The following MUC3A variants were observed in gnomAD, a reference collection of about 807,000 sequenced individuals.
MUC3A encodes the protein mucin 3A, cell surface associated.
MUC3A carries 109 observed loss-of-function variants against 109.0 expected under a neutral mutation model. The ratio of observed to expected loss-of-function variants is 1.00; its 90% CI spans 0.86 to 1.17. The LOEUF is 1.17. Ranked by LOEUF, MUC3A falls within the 50% of genes most tolerant of loss-of-function variation. MUC3A has a pLI of 0.00. For synonymous variants in MUC3A, 1,398 were observed against 981.4 expected (o/e 1.42, Z -7.93); for missense variants, 3,537 against 2,469.4 (o/e 1.43, Z -9.16).
In MUC3A at chr7:100,952,230, G is replaced by A. The variant is rs764956210; in HGVS notation, c.451G>A (p.Val151Met). 6 of 1,598,424 alleles carry A rather than the reference G, an allele frequency of 3.8e-6. No homozygotes were observed. The highest frequency in any genetic ancestry group is 5.1e-6 in the Non-Finnish European group (6 of 1,179,804). Residue 151 changes from valine (V) to methionine (M), a missense_variant, in exon 2 of 12, where the codon GTG (valine) becomes ATG (methionine). Val to Met is a conservative substitution (Grantham distance 21). Transcript: ENST00000379458. ...PTSICVTTTQ[V>M]AFTSSYTSTP... ...CTCCATCTGTGTGACCACGACGCAG[G>A]TGGCCTTCACCAGCTCTTACACCTC...
Position 100,958,038 on chromosome 7 carries a change from T to A in MUC3A, c.6259T>A (p.Ser2087Thr). The change falls in exon 2 of 12, where the codon TCA becomes ACA. Residue 2087 changes from serine to threonine, a missense_variant. Physicochemically the swap from Ser to Thr is moderately conservative, Grantham distance 58. Transcript: ENST00000379458. ...CTCAATCACCACCACCGAGACCCCC[T>A]CACACAGTACTCTCAGCTTCACTTC... Reference protein sequence around the residue: ...TTSITTTETPSHSTLSFTSSI... With the variant: ...TTSITTTETPTHSTLSFTSSI... 1.5e-6 allele frequency: 2 copies of A among 1,305,960 alleles called. No individual in the cohort carries two copies. The highest frequency in any genetic ancestry group is 1.4e-5 in the African/African-American group (1 of 69,070). 80.9% of individuals were successfully genotyped at this position (1,305,960 alleles called of 1,614,324 possible).
intron 1 of MUC3A, 101 bp from the exon 2 acceptor site, chr7:100,951,740 A>C: frequency 1.3e-6 from 2 of 1,523,900 alleles, no homozygotes; most frequent in South Asian, 2.5e-5. Flanking sequence ...GCCCTCTGTG[A>C]TGCTGCCTGG....
chr7:100,956,245 C>T lies in MUC3A; in HGVS notation c.4466C>T (p.Ser1489Leu). Residue 1489 changes from serine to leucine, a missense_variant, in exon 2 of 12, where the codon TCA becomes TTA. Physicochemically the swap from Ser to Leu is moderately radical, Grantham distance 145. Coordinates refer to ENST00000379458, the MANE Select transcript of MUC3A (RefSeq NM_005960.2). ...ITYPTTMTET[S>L]STATSLPPTS... ...TATCCCACCACTATGACAGAGACAT[C>T]ATCTACTGCCACCTCTCTTCCACCC... The T allele has an allele frequency of 2.0e-6, 1 of 489,160 alleles. No homozygotes were observed. Among genetic ancestry groups the T allele is most frequent in the Admixed American group, 3.6e-5 (1 of 27,472 alleles). 30.3% of individuals were successfully genotyped at this position (489,160 alleles called of 1,614,324 possible). A position where few individuals can be genotyped will look rare whatever the true frequency, so the allele number is the denominator to read the frequency against.
chr7:100,955,624 C>G lies in MUC3A; in HGVS notation c.3845C>G (p.Pro1282Arg). 1 of 391,586 alleles carries G rather than the reference C, an allele frequency of 2.6e-6. No individual in the cohort carries two copies. Among genetic ancestry groups the G allele is most frequent in the Non-Finnish European group, 4.3e-6 (1 of 233,124 alleles). 24.3% of individuals were successfully genotyped at this position (391,586 alleles called of 1,614,324 possible). A position where few individuals can be genotyped will look rare whatever the true frequency, so the allele number is the denominator to read the frequency against. ...TLTSSLLTTF[P>R]STYSFSSSMS... ...ACAAGTTCCCTCCTGACGACCTTCC[C>G]AAGTACATATTCATTTTCATCTTCC... is the stretch of plus-strand genomic sequence containing the variant. Residue 1282 changes from proline (P) to arginine (R), a missense_variant, in exon 2 of 12, where the codon CCA becomes CGA. Pro to Arg is a moderately radical substitution (Grantham distance 103). Coordinates refer to ENST00000379458, the MANE Select transcript of MUC3A (RefSeq NM_005960.2).
chr7:100,967,666 C>T lies in MUC3A; in HGVS notation c.*504C>T, dbSNP rs587748259. On this transcript the variant is annotated 3_prime_UTR_variant, in exon 12 of 12. Transcript: ENST00000379458. ...GGCAGCCTGCAGCCCCATCCCATCT[C>T]CTGCCCTCTCCTGATCTAACTCCCT... 1.2e-4 allele frequency: 27 copies of T among 229,790 alleles called. No homozygotes were observed. The East Asian group carries it at 3.0e-3, about 26-fold the overall frequency. The allele number at this position is 229,790 out of a possible 1,614,324, so 14.2% of individuals were successfully genotyped here.
intron 9 of MUC3A, 27 bp from the exon 10 acceptor site, chr7:100,966,621 CTCTG>C (rs747091719): frequency 2.3e-5 from 36 of 1,598,310 alleles, no homozygotes; most frequent in East Asian, 1.3e-4. Context: ...GGCGGGCCGG[CTCTG>C]TCTGACCGCG....
rs766544761 is a variant in MUC3A at position 100,966,963 on chromosome 7, A to T, written c.9930+12A>T. The stretch of plus-strand genomic sequence containing the variant: ...ACACCACTATGAAGGTGAGGGGCTA[A>T]AGAGGGGGACCCCAAGGAACTCTCC... On this transcript the variant is annotated intron_variant, in intron 11 of 11. Transcript: ENST00000379458. The T allele has an allele frequency of 6.3e-7, 1 of 1,598,558 alleles. No individual in the cohort carries two copies. The highest frequency in any genetic ancestry group is 1.3e-5 in the African/African-American group (1 of 75,086).
Position 100,951,923 on chromosome 7 carries a change from A to C in MUC3A, c.144A>C (p.Pro48=). The C allele has an allele frequency of 6.3e-7, 1 of 1,598,616 alleles. No homozygotes were observed. Among genetic ancestry groups the C allele is most frequent in the Non-Finnish European group, 8.5e-7 (1 of 1,179,776 alleles). ...CCAGCGCTGTGCTCAGCAATTCTCC[A>C]CACTCCAGAGACCTGGCTGGGTGGC... ...EAASAVLSNS[P]HSRDLAGWPL... The change falls in exon 2 of 12, where the codon CCA becomes CCC. Residue 48 remains proline, a synonymous_variant. Transcript: ENST00000379458.
Position 100,957,322 on chromosome 7 carries a change from C to G in MUC3A, c.5543C>G (p.Ala1848Gly), listed in dbSNP as rs950190863. The G allele has an allele frequency of 5.1e-6, 3 of 584,288 alleles. No homozygotes were observed. Among genetic ancestry groups the G allele is most frequent in the Non-Finnish European group, 9.0e-6 (3 of 333,698 alleles). The allele number at this position is 584,288 out of a possible 1,614,324, so 36.2% of individuals were successfully genotyped here. A position where few individuals can be genotyped will look rare whatever the true frequency, so the allele number is the denominator to read the frequency against. ...ETTYPTSLTS[A>G]LTDSTTRTTY... ...ACCTACCCTACTTCTCTTACTAGTG[C>G]TCTCACAGATTCCACGACCAGAACC... Residue 1848 changes from alanine to glycine, a missense_variant, in exon 2 of 12, where the codon GCT (alanine) becomes GGT (glycine). Physicochemically the swap from Ala to Gly is moderately conservative, Grantham distance 60. Coordinates refer to ENST00000379458, the MANE Select transcript of MUC3A (RefSeq NM_005960.2).
chr7:100,965,514 A>T, intron 7 of MUC3A, 167 bp downstream of exon 7: 1 of 1,420,936 alleles, frequency 7.0e-7, no homozygotes, highest in South Asian at 1.3e-5. Context: ...ACCTGAGGAC[A>T]GCAGGGGCCA....
intron 3 of MUC3A, 33 bp downstream of exon 3, chr7:100,960,970 C>G (rs1792308239): frequency 1.3e-6 from 2 of 1,598,456 alleles, no homozygotes; most frequent in East Asian, 2.2e-5. Context: ...TCTGCACTTC[C>G]TCCCACAGGG....
rs1792307416 is a variant in MUC3A at position 100,960,945 on chromosome 7, G to T, written c.9052+8G>T. The T allele has an allele frequency of 1.9e-6, 3 of 1,598,530 alleles. No individual in the cohort carries two copies. The highest frequency in any genetic ancestry group is 1.7e-6 in the Non-Finnish European group (2 of 1,179,818). Reference sequence around the variant, plus strand: ...TGGAACAGGTGGATCTAGGTGAGTTGCCAGAGCTATGCCTTCTGCACTTCC... The same window carrying T: ...TGGAACAGGTGGATCTAGGTGAGTTTCCAGAGCTATGCCTTCTGCACTTCC... On this transcript the variant is annotated splice_region_variant and intron_variant, in intron 3 of 11. Coordinates refer to ENST00000379458, the MANE Select transcript of MUC3A (RefSeq NM_005960.2).
rs746924163 is a variant in MUC3A, at chr7:100,959,440, C to A, written c.7661C>A (p.Thr2554Asn). The change falls in exon 2 of 12, where the codon ACC (threonine) becomes AAC (asparagine). Residue 2554 changes from threonine to asparagine, a missense_variant. Transcript: ENST00000379458. ...CCCACCATGTCCACTGTGAGAATGA[C>A]CCTCAGAATTACTGAGAACACCCCA... ...TSPTMSTVRM[T>N]LRITENTPIS... is the part of the protein sequence containing the mutation. 2 of 1,548,396 alleles carry A rather than the reference C, an allele frequency of 1.3e-6. No individual in the cohort carries two copies.
At position 100,952,787 on chromosome 7, in the gene MUC3A, CA is replaced by C. The variant is rs1791998669; in HGVS notation, c.1009del (p.Thr337LeufsTer21). On this transcript the variant is annotated frameshift_variant, in exon 2 of 12. Transcript: ENST00000379458. LOFTEE classifies it high-confidence loss of function. Reference sequence around the variant, plus strand: ...CTACACCTACATCTGAGACCACCTACACTACTTCTCCCACCAGCACTGTCAC... The same window carrying C: ...CTACACCTACATCTGAGACCACCTACCTACTTCTCCCACCAGCACTGTCAC... ...RSTPTSETTY[T>X]TSPTSTVTDS... is the part of the protein sequence containing the mutation. 1.4e-6 allele frequency: 2 copies of C among 1,431,920 alleles called. No homozygotes were observed. The highest frequency in any genetic ancestry group is 1.8e-6 in the Non-Finnish European group (2 of 1,101,874). 88.7% of individuals were successfully genotyped at this position (1,431,920 alleles called of 1,614,324 possible). A position where few individuals can be genotyped will look rare whatever the true frequency, so the allele number is the denominator to read the frequency against.
chr7:100,967,913 T>TG lies in MUC3A; in HGVS notation c.*751_*752insG, dbSNP rs1159941509. 19 of 64,390 alleles carry TG rather than the reference T, an allele frequency of 3.0e-4. No individual in the cohort carries two copies. In the Admixed American group the frequency reaches 4.5e-3, roughly 15 times the overall value. The allele number at this position is 64,390 out of a possible 1,614,324, so 4.0% of individuals were successfully genotyped here. A position where few individuals can be genotyped will look rare whatever the true frequency, so the allele number is the denominator to read the frequency against. On this transcript the variant is annotated 3_prime_UTR_variant, in exon 12 of 12. Transcript: ENST00000379458. ...GTTTCTCTTGCTCTCATTCCTTGTA[T>TG]CTTCTCCCTTCTGAGCCCGTCCATT...
chr7:100,953,682 A>C lies in MUC3A; in HGVS notation c.1903A>C (p.Thr635Pro), dbSNP rs1188513526. 9.2e-6 allele frequency: 4 copies of C among 436,062 alleles called. No homozygotes were observed. The highest frequency in any genetic ancestry group is 1.6e-5 in the Non-Finnish European group (4 of 248,558). The allele number at this position is 436,062 out of a possible 1,614,324, so 27.0% of individuals were successfully genotyped here. A position where few individuals can be genotyped will look rare whatever the true frequency, so the allele number is the denominator to read the frequency against. ...AACAGCCATGACTTCTCCTCCCATC[A>C]CTTCATCAGTCACTTCCACAAATAC... ...LTTAMTSPPI[T>P]SSVTSTNTVT... Residue 635 changes from threonine (T) to proline (P), a missense_variant, in exon 2 of 12, where the codon ACT (threonine) becomes CCT (proline). Thr to Pro is a conservative substitution (Grantham distance 38). Coordinates refer to ENST00000379458, the MANE Select transcript of MUC3A (RefSeq NM_005960.2).
chr7:100,965,941 C>T (rs1247924738), intron 8 of MUC3A, 75 bp downstream of exon 8: 4 of 1,494,112 alleles, frequency 2.7e-6, no homozygotes, highest in Middle Eastern at 2.0e-4. Context: ...CCCCATGCTC[C>T]GCCCCGGCTC....
At position 100,955,494 on chromosome 7, in the gene MUC3A, T is replaced by G; in HGVS notation, c.3715T>G (p.Ser1239Ala). ...SSAMSTSVIP[S>A]SPSIQNTETS... is the part of the protein sequence containing the mutation. ...AGCAATGTCCACAAGTGTCATTCCA[T>G]CTTCCCCCAGCATCCAGAATACAGA... Residue 1239 changes from serine (S) to alanine (A), a missense_variant, in exon 2 of 12, where the codon TCT (serine) becomes GCT (alanine). By Grantham distance (99) the Ser-to-Ala change is moderately conservative. Transcript: ENST00000379458. 7.5e-6 allele frequency: 4 copies of G among 533,180 alleles called. No individual in the cohort carries two copies. Among genetic ancestry groups the G allele is most frequent in the Non-Finnish European group, 1.3e-5 (4 of 304,838 alleles). 33.0% of individuals were successfully genotyped at this position (533,180 alleles called of 1,614,324 possible).
chr7:100,957,011 T>G lies in MUC3A; in HGVS notation c.5232T>G (p.Pro1744=). The change falls in exon 2 of 12, where the codon CCT becomes CCG. Residue 1744 remains proline (P), a synonymous_variant. Coordinates refer to ENST00000379458, the MANE Select transcript of MUC3A (RefSeq NM_005960.2). Reference sequence around the variant, plus strand: ...CCCCTAAGACCACCACACTGACTCCTACCTCTGACATTTCCACAGGATCTT... The same window carrying G: ...CCCCTAAGACCACCACACTGACTCCGACCTCTGACATTTCCACAGGATCTT... ...ATSPKTTTLT[P]TSDISTGSFK... is the part of the protein sequence containing the mutation. The G allele has an allele frequency of 2.2e-6, 1 of 445,346 alleles. No homozygotes were observed. Among genetic ancestry groups the G allele is most frequent in the East Asian group, 3.3e-5 (1 of 29,870 alleles). The allele number at this position is 445,346 out of a possible 1,614,324, so 27.6% of individuals were successfully genotyped here.
Sources: allele counts gnomAD v4.1 joint callset, GRCh38; gene constraint gnomAD v4.1.1; transcripts MANE v1.5; gene names NCBI Gene and HGNC (gene_info 2026-07-23, HGNC 2026-07-21).